RXFP1: variants seen among roughly 807,000 people sequenced by gnomAD.
The protein encoded by RXFP1 is relaxin receptor 1.
RXFP1 carries 73 observed loss-of-function variants against 89.8 expected under a neutral mutation model. That is an observed-to-expected ratio of 0.81 (90% CI 0.67 to 0.99). The LOEUF (loss-of-function observed/expected upper bound fraction) is 0.99. Ranked by LOEUF, RXFP1 falls within the 50% of genes least tolerant of loss-of-function variation. The pLI, the probability that RXFP1 is intolerant of heterozygous loss-of-function variation, is 0.00. For synonymous variants in RXFP1, 277 were observed against 305.5 expected, an observed-to-expected ratio of 0.91 and a Z score of 0.97; for missense variants, 793 against 895.5, an observed-to-expected ratio of 0.89 and a Z score of 1.46.
intron 1 of RXFP1, among the ~76,000 whole-genome samples, chr4:158,568,297 T>G (rs757474003): frequency 2.6e-5 from 4 of 152,204 alleles, no homozygotes; most frequent in African/African-American, 9.7e-5. Flanking sequence ...AATACAATCA[T>G]TGAGGAGCTA....
At chr4:158,544,286 A>T in intron 1 of RXFP1, 12 of 985,298 alleles carry the variant, frequency 1.2e-5, no homozygotes, top group Non-Finnish European at 1.4e-5. Flanking sequence ...GTGGGACAAT[A>T]ACTTGGAATG....
At chr4:158,581,843 C>A (rs1473397848) in intron 2 of RXFP1, among the ~76,000 whole-genome samples, 1 of 152,198 alleles carries the variant, frequency 6.6e-6, no homozygotes. Context: ...GTTCTGCAGA[C>A]TTTCCAAAAA....
intron 12 of RXFP1, among the ~76,000 whole-genome samples, chr4:158,636,068 C>T (rs1191075087): frequency 1.3e-5 from 2 of 151,936 alleles, no homozygotes; most frequent in Admixed American, 6.6e-5. Flanking sequence ...TGTTGTTTTT[C>T]AAAGATTCTG....
intron 8 of RXFP1, among the ~76,000 whole-genome samples, chr4:158,612,758 G>A (rs541672936): frequency 2.0e-5 from 3 of 152,118 alleles, no homozygotes; most frequent in South Asian, 4.2e-4. Flanking sequence ...TTACAGGTGT[G>A]TGCCATCACG....
Position 158,528,206 on chromosome 4 carries a change from T to C in RXFP1, c.49+6181T>C, listed in dbSNP as rs6841826. 6.0e-4 allele frequency among the ~76,000 whole-genome samples: 92 copies of C among 152,192 alleles called. 1 individual carries two copies. The highest frequency in any genetic ancestry group is 2.1e-3 in the African/African-American group (88 of 41,526). On this transcript the variant is annotated intron_variant, in intron 1 of 17. Coordinates refer to ENST00000307765, the MANE Select transcript of RXFP1 (RefSeq NM_021634.4). ...ATTTTAATGAAAGGGACTTTAAAAA[T>C]GCTTAGAGTAAGGCGGGGGGCAGTG...
At chr4:158,541,213 T>A (rs957440986) in intron 1 of RXFP1, among the ~76,000 whole-genome samples, 77 of 152,188 alleles carry the variant, frequency 5.1e-4, no homozygotes, top group African/African-American at 1.8e-3. Flanking sequence ...ATTGTCCTTT[T>A]GGTTAAAGAT....
At chr4:158,651,696 T>G in intron 17 of RXFP1, 61 bp from the exon 18 acceptor site, 1 of 1,314,698 alleles carries the variant, frequency 7.6e-7, no homozygotes. Flanking sequence ...ACAGGGAAAT[T>G]GGGTTTCTAT....
rs765707088 is a variant in RXFP1, at chr4:158,645,101, G to A, written c.1308G>A (p.Glu436=). ...VICMRPYIRS[E]NKLYAMSIIS... Reference sequence around the variant, plus strand: ...GCATGCGACCTTATATCAGGTCTGAGAACAAGCTGTATGCCATGTCAATCA... The same window carrying A: ...GCATGCGACCTTATATCAGGTCTGAAAACAAGCTGTATGCCATGTCAATCA... Residue 436 remains glutamate, a synonymous_variant, in exon 15 of 18, where the codon GAG becomes GAA. Coordinates refer to ENST00000307765, the MANE Select transcript of RXFP1 (RefSeq NM_021634.4). 15 of 1,613,936 alleles carry A rather than the reference G, an allele frequency of 9.3e-6. No homozygotes were observed. In the South Asian group the frequency reaches 1.6e-4, roughly 18 times the overall value.
chr4:158,529,101 C>A (rs1451464054), intron 1 of RXFP1, among the ~76,000 whole-genome samples: 1 of 152,182 alleles, frequency 6.6e-6, no homozygotes, highest in East Asian at 1.9e-4. Flanking sequence ...TGAAAGGACA[C>A]TCACAGAGCA....
At chr4:158,593,776 T>C (rs1760009073) in intron 3 of RXFP1, among the ~76,000 whole-genome samples, 1 of 152,204 alleles carries the variant, frequency 6.6e-6, no homozygotes, top group Non-Finnish European at 1.5e-5. Flanking sequence ...ACAGAATCAA[T>C]GTCAGTCAAG....
At chr4:158,564,598 C>A (rs1261342443) in intron 1 of RXFP1, among the ~76,000 whole-genome samples, 1 of 152,116 alleles carries the variant, frequency 6.6e-6, no homozygotes, top group African/African-American at 2.4e-5. Flanking sequence ...GTCTCTCACC[C>A]TCTCAAAATT....
intron 9 of RXFP1, among the ~76,000 whole-genome samples, chr4:158,622,847 G>A (rs1005669237): frequency 1.3e-5 from 2 of 152,176 alleles, no homozygotes; most frequent in African/African-American, 4.8e-5. Context: ...AAAGGGTAGA[G>A]TTCAGGCACT....
chr4:158,621,797 C>A (rs1765675111), intron 9 of RXFP1, among the ~76,000 whole-genome samples: 1 of 152,188 alleles, frequency 6.6e-6, no homozygotes, highest in Non-Finnish European at 1.5e-5. Flanking sequence ...AAATGGCCAA[C>A]AGGCATATGC....
chr4:158,620,850 G>A (rs962713914), intron 9 of RXFP1, among the ~76,000 whole-genome samples: 1 of 152,222 alleles, frequency 6.6e-6, no homozygotes, highest in African/African-American at 2.4e-5. Context: ...GCCGGGCATG[G>A]TGGCTCACAC....
At chr4:158,600,224 TC>T (rs1420086563) in intron 4 of RXFP1, among the ~76,000 whole-genome samples, 1 of 152,212 alleles carries the variant, frequency 6.6e-6, no homozygotes, top group Non-Finnish European at 1.5e-5. Flanking sequence ...TAAGAGTAAT[TC>T]TTGAGTTTAT....
In RXFP1 at chr4:158,572,819, C is replaced by A. The variant is rs372906848; in HGVS notation, c.171C>A (p.Ala57=). Residue 57 remains alanine, a synonymous_variant, in exon 2 of 18, where the codon GCC becomes GCA. Transcript: ENST00000307765. ...GTGTGGACGACTGCGGGAATCAGGC[C>A]GATGAGGACAACTGTGGTGAGTGAA... The part of the protein sequence containing the change: ...CNGVDDCGNQ[A]DEDNCGDNNG... 4.3e-6 allele frequency: 7 copies of A among 1,613,898 alleles called. No individual in the cohort carries two copies. The East Asian group carries it at 1.3e-4, about 31-fold the overall frequency.
intron 2 of RXFP1, among the ~76,000 whole-genome samples, chr4:158,580,650 T>C (rs1276718910): frequency 6.6e-6 from 1 of 152,214 alleles, no homozygotes; most frequent in East Asian, 1.9e-4. Flanking sequence ...TCCTTCCCAA[T>C]GTGATCTTAA....
At chr4:158,621,037 C>T (rs1765531900) in intron 9 of RXFP1, among the ~76,000 whole-genome samples, 1 of 152,020 alleles carries the variant, frequency 6.6e-6, no homozygotes, top group Non-Finnish European at 1.5e-5. Flanking sequence ...ACTCGGGAGG[C>T]TGAGGCAGGA....
At chr4:158,546,359 A>G (rs1262738017) in intron 1 of RXFP1, among the ~76,000 whole-genome samples, 1 of 152,140 alleles carries the variant, frequency 6.6e-6, no homozygotes, top group Admixed American at 6.6e-5. Context: ...GGCTGAGACA[A>G]TGGGGTTTTC....
Sources: allele counts gnomAD v4.1 joint callset (sites outside exome capture counted in the v4.1 genomes callset), GRCh38; gene constraint gnomAD v4.1.1; transcripts MANE v1.5; gene names NCBI Gene and HGNC (gene_info 2026-07-23, HGNC 2026-07-21).